PRKN: variants seen among roughly 807,000 people sequenced by gnomAD.
The protein encoded by PRKN is parkin RBR E3 ubiquitin protein ligase, also known as E3 ubiquitin-protein ligase parkin.
A neutral mutation model predicts 59.5 loss-of-function variants in PRKN; 56 were observed. The ratio of observed to expected loss-of-function variants is 0.94; its 90% CI spans 0.76 to 1.18. The LOEUF (loss-of-function observed/expected upper bound fraction) is 1.18. Among genes scored for constraint, PRKN ranks in the 50% most tolerant of loss-of-function variants. The pLI is 0.00. For missense variants in PRKN, 657 were observed against 596.4 expected, an observed-to-expected ratio of 1.10 and a Z score of -1.06; for synonymous variants, 250 against 222.1, an observed-to-expected ratio of 1.13 and a Z score of -1.12.
intron 1 of PRKN, among the ~76,000 whole-genome samples, chr6:162,636,810 C>T (rs1022946796): frequency 2.7e-4 from 41 of 152,126 alleles, no homozygotes; most frequent in East Asian, 7.8e-4. Context: ...CATACAGAGA[C>T]TCAGTCTCAT....
chr6:161,431,595 C>CTTTCT (rs560147973), intron 9 of PRKN, among the ~76,000 whole-genome samples: 1 of 151,302 alleles, frequency 6.6e-6, no homozygotes, highest in African/African-American at 2.4e-5. Flanking sequence ...TTCTTTCTTT[C>CTTTCT]TTTCTTTTCT....
chr6:162,313,499 T>G (rs1317927187), intron 2 of PRKN, among the ~76,000 whole-genome samples: 2 of 152,142 alleles, frequency 1.3e-5, no homozygotes, highest in African/African-American at 4.8e-5. Context: ...TTTTTTTTAT[T>G]TTTTTGAAAT....
At chr6:162,025,090 A>G (rs980300913) in intron 5 of PRKN, among the ~76,000 whole-genome samples, 56 of 141,680 alleles carry the variant, frequency 4.0e-4, no homozygotes, top group African/African-American at 1.5e-3. Context: ...ATCTCGGCTC[A>G]CTGCAAGCTC....
At chr6:161,597,010 G>A (rs1040920614) in intron 7 of PRKN, among the ~76,000 whole-genome samples, 2 of 152,142 alleles carry the variant, frequency 1.3e-5, no homozygotes, top group South Asian at 2.1e-4. Flanking sequence ...GAAAAGTACC[G>A]GGAAGACTGC....
Position 161,461,790 on chromosome 6 carries a change from T to C in PRKN, c.1084-74913A>G, listed in dbSNP as rs185167722. Among the ~76,000 whole-genome samples the C allele has an allele frequency of 6.6e-6, 1 of 152,128 alleles. No individual in the cohort carries two copies. Among genetic ancestry groups the C allele is most frequent in the Admixed American group, 6.6e-5 (1 of 15,264 alleles). On this transcript the variant is annotated intron_variant, in intron 9 of 11. Transcript: ENST00000366898. This position sits in a 1 kb window ranked among gnomAD's most constrained non-coding sequence, Gnocchi z 5.1. ...GAAAATTCCAAATGGAGGTATCCAG[T>C]AGGCAATGTGAAGTATAATCCAGGA...
rs547439943 is a variant in PRKN at position 162,107,933 on chromosome 6, A to G, written c.535-53759T>C. On this transcript the variant is annotated intron_variant, in intron 4 of 11. Transcript: ENST00000366898. ...GTTCCAAGCCCAAAATTTATTTGCA[A>G]AAGAAAGGAGGAAGGAATGAAGGAA... Among the ~76,000 whole-genome samples, 4 of 152,340 alleles carry G rather than the reference A, an allele frequency of 2.6e-5. No homozygotes were observed. In the South Asian group the frequency reaches 8.3e-4, roughly 32 times the overall value.
chr6:161,788,522 A>G (rs1020905877), intron 6 of PRKN, among the ~76,000 whole-genome samples: 5 of 152,204 alleles, frequency 3.3e-5, no homozygotes, highest in Non-Finnish European at 7.3e-5. Flanking sequence ...GAAGAGTCCT[A>G]CTGAAAACTA....
chr6:162,122,756 A>ATCTC (rs937206755), intron 4 of PRKN, among the ~76,000 whole-genome samples: 2 of 144,660 alleles, frequency 1.4e-5, no homozygotes, highest in South Asian at 2.2e-4. Context: ...CTATCTATCT[A>ATCTC]TCTCTGATAT....
chr6:161,569,970 G>A (rs986430299), intron 7 of PRKN, among the ~76,000 whole-genome samples: 7 of 151,756 alleles, frequency 4.6e-5, no homozygotes, highest in South Asian at 2.1e-4. Context: ...TAGATCTTGC[G>A]TTTGAGTTTG....
intron 4 of PRKN, among the ~76,000 whole-genome samples, chr6:162,099,276 A>T (rs1779869918): frequency 6.6e-6 from 1 of 152,202 alleles, no homozygotes; most frequent in Non-Finnish European, 1.5e-5. Flanking sequence ...GGCATTTCAG[A>T]TTATTCTAAG....
rs1397514248 is a variant in PRKN, at chr6:161,525,088, AAAT to A, written c.1083+23763_1083+23765del. Among the ~76,000 whole-genome samples the A allele has an allele frequency of 1.3e-5, 2 of 152,114 alleles. No individual in the cohort carries two copies. Among genetic ancestry groups the A allele is most frequent in the African/African-American group, 4.8e-5 (2 of 41,422 alleles). On this transcript the variant is annotated intron_variant, in intron 9 of 11. Transcript: ENST00000366898. This position sits in a 1 kb window ranked among gnomAD's most constrained non-coding sequence, Gnocchi z 4.7. The stretch of plus-strand genomic sequence containing the variant: ...AATGATATTTCATCTCTTAATGTGA[AAAT>A]AAGATTTTTGAGTTGACACATTCAT...
chr6:162,241,326 C>T (rs1388534156), intron 3 of PRKN, among the ~76,000 whole-genome samples: 4 of 151,968 alleles, frequency 2.6e-5, no homozygotes, highest in Non-Finnish European at 4.4e-5. Flanking sequence ...TAACTGCTAA[C>T]GCAAACAGTA....
intron 1 of PRKN, among the ~76,000 whole-genome samples, chr6:162,548,119 G>T (rs1244099427): frequency 6.6e-6 from 1 of 151,982 alleles, no homozygotes; most frequent in Non-Finnish European, 1.5e-5. Context: ...GTGTGCAGTG[G>T]CGCAATTTTG....
chr6:161,856,562 C>T (rs1289163431), intron 6 of PRKN, among the ~76,000 whole-genome samples: 1 of 151,748 alleles, frequency 6.6e-6, no homozygotes, highest in African/African-American at 2.4e-5. Context: ...ACATTTTTAC[C>T]ATAAATGGTG....
intron 3 of PRKN, among the ~76,000 whole-genome samples, chr6:162,203,604 G>A (rs575867035): frequency 1.3e-5 from 2 of 152,210 alleles, no homozygotes; most frequent in Non-Finnish European, 2.9e-5. Context: ...TTCTGGGCAA[G>A]GTTCCCATCG....
chr6:161,449,474 C>T (rs1379848135), intron 9 of PRKN, among the ~76,000 whole-genome samples: 3 of 152,198 alleles, frequency 2.0e-5, no homozygotes, highest in South Asian at 2.1e-4. Context: ...TAACTCTGAA[C>T]GTACTCAGGG....
intron 1 of PRKN, among the ~76,000 whole-genome samples, chr6:162,640,343 A>T (rs1777913807): frequency 6.6e-6 from 1 of 152,180 alleles, no homozygotes; most frequent in Non-Finnish European, 1.5e-5. Flanking sequence ...CAAGATTCTT[A>T]TTGAATCTTA....
At chr6:161,787,112 T>C (rs1790451206) in intron 6 of PRKN, among the ~76,000 whole-genome samples, 1 of 152,190 alleles carries the variant, frequency 6.6e-6, no homozygotes, top group African/African-American at 2.4e-5. Flanking sequence ...GTTCATTTTA[T>C]ACCCAATCTT....
intron 6 of PRKN, among the ~76,000 whole-genome samples, chr6:161,786,555 A>G (rs1341163638): frequency 6.6e-6 from 1 of 152,136 alleles, no homozygotes; most frequent in Admixed American, 6.5e-5. Context: ...AAATTCTGCT[A>G]TCCCACTTAT....
Sources: gnomAD v4.1 joint callset for allele counts (sites outside exome capture counted in the v4.1 genomes callset) on GRCh38, gnomAD v4.1.1 for gene constraint, Gnocchi (gnomAD v3.1) non-coding constraint, MANE v1.5 for transcripts, NCBI Gene and HGNC (gene_info 2026-07-23, HGNC 2026-07-21) for gene names.